The following GALK2 variants were observed in gnomAD, a reference collection of about 807,000 sequenced individuals.
The protein encoded by GALK2 is N-acetylgalactosamine kinase.
In GALK2, 36 loss-of-function variants were observed where a neutral mutation model predicts 52.4. That is an observed-to-expected ratio of 0.69 (90% CI 0.53 to 0.91). GALK2 has a LOEUF of 0.91. Among genes scored for constraint, GALK2 ranks in the 40% least tolerant of loss-of-function variants. The pLI is 0.00. For missense variants in GALK2, 579 were observed against 559.1 expected (o/e 1.04, Z -0.36); for synonymous variants, 176 against 199.1 (o/e 0.88, Z 0.98).
chr15:49,198,439 T>G (rs1595619315), intron 1 of GALK2, among the ~76,000 whole-genome samples: 1 of 152,198 alleles, frequency 6.6e-6, no homozygotes, highest in South Asian at 2.1e-4. Flanking sequence ...AACAAATCTA[T>G]GGGATACATG....
Position 49,328,188 on chromosome 15 carries a change from C to CTT in GALK2, c.*30_*31dup. On this transcript the variant is annotated 3_prime_UTR_variant, in exon 10 of 10. Coordinates refer to ENST00000560031, the MANE Select transcript of GALK2 (RefSeq NM_002044.4). The stretch of plus-strand genomic sequence containing the variant: ...AATGTAAAAAGTCTGAGAGAAACTA[C>CTT]TTAGGGCACTTAGGAATTGGCAGGA... 6.3e-7 allele frequency: 1 copy of CTT among 1,582,814 alleles called. No homozygotes were observed. The highest frequency in any genetic ancestry group is 8.6e-7 in the Non-Finnish European group (1 of 1,162,536).
At position 49,328,519 on chromosome 15, in the gene GALK2, C is replaced by T; in HGVS notation, c.*360C>T. On this transcript the variant is annotated 3_prime_UTR_variant, in exon 10 of 10. Coordinates refer to ENST00000560031, the MANE Select transcript of GALK2 (RefSeq NM_002044.4). ...TATATTGTTACAATTAAACTGATAC[C>T]ACTGAATTGTATGCATTATTCTTGA... 1.9e-6 allele frequency: 3 copies of T among 1,599,874 alleles called. No homozygotes were observed. Among genetic ancestry groups the T allele is most frequent in the Non-Finnish European group, 2.6e-6 (3 of 1,171,254 alleles).
exon 1 of GALK2, chr15:49,155,973 G>A (rs374696107): frequency 6.2e-7 from 1 of 1,614,002 alleles, no homozygotes; most frequent in South Asian, 1.1e-5. Flanking sequence ...AGGACCAGAA[G>A]CCTTTCGCGG....
At chr15:49,228,338 T>C (rs2090255406) in intron 3 of GALK2, among the ~76,000 whole-genome samples, 1 of 152,076 alleles carries the variant, frequency 6.6e-6, no homozygotes, top group Non-Finnish European at 1.5e-5. Flanking sequence ...CTCTGCTTTC[T>C]TGAACACCAA....
intron 3 of GALK2, chr15:49,365,188 G>T: frequency 2.5e-6 from 2 of 793,708 alleles, no homozygotes; most frequent in Non-Finnish European, 2.3e-6. Flanking sequence ...AATACAGATG[G>T]TCCATCATCT....
At chr15:49,277,947 G>A (rs1419144479) in intron 5 of GALK2, among the ~76,000 whole-genome samples, 2 of 152,066 alleles carry the variant, frequency 1.3e-5, no homozygotes, top group Admixed American at 1.3e-4. Context: ...CCCTGCCCCT[G>A]TAAGTAGACC....
intron 4 of GALK2, 53 bp from the exon 5 acceptor site, chr15:49,239,168 A>T: frequency 6.6e-7 from 1 of 1,514,656 alleles, no homozygotes; most frequent in Non-Finnish European, 9.2e-7. Flanking sequence ...AGCTTTCACT[A>T]CTCCTTGAAT....
At chr15:49,187,210 T>G (rs1230912277) in intron 1 of GALK2, among the ~76,000 whole-genome samples, 1 of 152,182 alleles carries the variant, frequency 6.6e-6, no homozygotes, top group Admixed American at 6.5e-5. Context: ...ACTGCCTTGG[T>G]GGTGTTGGGT....
intron 3 of GALK2, among the ~76,000 whole-genome samples, chr15:49,234,211 A>T (rs1470081962): frequency 6.6e-6 from 1 of 152,154 alleles, no homozygotes; most frequent in East Asian, 1.9e-4. Flanking sequence ...CTATTTATTT[A>T]TCTGCCTATT....
At chr15:49,197,634 G>T (rs572267679) in intron 1 of GALK2, among the ~76,000 whole-genome samples, 1 of 151,990 alleles carries the variant, frequency 6.6e-6, no homozygotes, top group South Asian at 2.1e-4. Context: ...ACTTAAATGT[G>T]GAATTTTCCA....
intron 8 of GALK2, among the ~76,000 whole-genome samples, chr15:49,314,691 T>C (rs1027503427): frequency 1.2e-4 from 18 of 152,254 alleles, no homozygotes; most frequent in African/African-American, 4.3e-4. Flanking sequence ...TGAGCTTCCA[T>C]TGGTGGGAGA....
intron 3 of GALK2, chr15:49,366,734 G>C (rs1290767219): frequency 1.0e-6 from 1 of 968,662 alleles, no homozygotes; most frequent in East Asian, 2.6e-5. Context: ...CACTAGGTGG[G>C]GTAGGCTGGG....
chr15:49,159,550 T>C (rs2084575044), intron 1 of GALK2, among the ~76,000 whole-genome samples: 1 of 147,708 alleles, frequency 6.8e-6, no homozygotes, highest in African/African-American at 2.5e-5. Flanking sequence ...CACTCCAGCC[T>C]GGGCGACAGA....
chr15:49,178,561 A>G (rs1156499937), intron 1 of GALK2: 2 of 246,432 alleles, frequency 8.1e-6, no homozygotes, highest in African/African-American at 2.3e-5. Context: ...TCCTATATAT[A>G]ACGTAAACTT....
chr15:49,171,974 T>C (rs1038648540), intron 1 of GALK2, among the ~76,000 whole-genome samples: 30 of 152,180 alleles, frequency 2.0e-4, no homozygotes, highest in African/African-American at 7.2e-4. Flanking sequence ...AGTTTCGCCA[T>C]GTTGGCCAGG....
At chr15:49,251,971 A>G (rs753501836) in intron 5 of GALK2, among the ~76,000 whole-genome samples, 6 of 152,136 alleles carry the variant, frequency 3.9e-5, no homozygotes, top group Non-Finnish European at 8.8e-5. Context: ...ATATATAAAT[A>G]TATGTATATA....
chr15:49,292,499 A>C lies in GALK2; in HGVS notation c.929A>C (p.Glu310Ala). 6.2e-7 allele frequency: 1 copy of C among 1,614,028 alleles called. No individual in the cohort carries two copies. Among genetic ancestry groups the C allele is most frequent in the South Asian group, 1.1e-5 (1 of 91,070 alleles). The change falls in exon 8 of 10, where the codon GAA (glutamate) becomes GCA (alanine). Residue 310 changes from glutamate to alanine, a missense_variant. Transcript: ENST00000560031. Reference protein sequence around the residue: ...ICRCLGISLEELRTQILSPNT... With the variant: ...ICRCLGISLEALRTQILSPNT... ...AGGTGTCTGGGAATTAGCCTGGAGG[A>C]ACTCCGAACCCAAATCCTGAGTCCA...
At chr15:49,351,498 C>T (rs774750956) in intron 3 of GALK2, among the ~76,000 whole-genome samples, 37 of 151,280 alleles carry the variant, frequency 2.4e-4, no homozygotes, top group Non-Finnish European at 1.2e-4. Context: ...TCCATCTAAT[C>T]GACTATTGGA....
intron 3 of GALK2, among the ~76,000 whole-genome samples, chr15:49,361,697 C>T (rs1322822292): frequency 6.6e-6 from 1 of 152,000 alleles, no homozygotes; most frequent in African/African-American, 2.4e-5. Flanking sequence ...AATAGTGTTG[C>T]AATGAGCATA....
Sources: gnomAD v4.1 joint callset for allele counts (sites outside exome capture counted in the v4.1 genomes callset) on GRCh38, gnomAD v4.1.1 for gene constraint, MANE v1.5 for transcripts, NCBI Gene and HGNC (gene_info 2026-07-23, HGNC 2026-07-21) for gene names.